MLYCD: variants seen among roughly 807,000 people sequenced by gnomAD.
The protein encoded by MLYCD is malonyl-CoA decarboxylase.
A neutral mutation model predicts 35.8 loss-of-function variants in MLYCD; 27 were observed. The ratio of observed to expected loss-of-function variants is 0.75; its 90% CI spans 0.56 to 1.04. MLYCD has a LOEUF of 1.04. Ranked by LOEUF, MLYCD falls within the 50% of genes least tolerant of loss-of-function variation. The probability of loss-of-function intolerance (pLI) is 0.00; values close to 1 mark genes in which losing one functional copy is unlikely to be tolerated. For synonymous variants in MLYCD, 403 were observed against 302.4 expected (o/e 1.33, Z -3.45); for missense variants, 917 against 665.1 (o/e 1.38, Z -4.17).
chr16:83,917,077 CG>C lies in MLYCD; in HGVS notation c.*1589del. 8.1e-5 allele frequency: 1 copy of C among 12,346 alleles called. No individual in the cohort carries two copies. Among genetic ancestry groups the C allele is most frequent in the Admixed American group, 1.2e-3 (1 of 828 alleles). The allele number at this position is 12,346 out of a possible 1,614,324, so 0.8% of individuals were successfully genotyped here. A position where few individuals can be genotyped will look rare whatever the true frequency, so the allele number is the denominator to read the frequency against. On this transcript the variant is annotated 3_prime_UTR_variant, in exon 5 of 5. Coordinates refer to ENST00000262430, the MANE Select transcript of MLYCD (RefSeq NM_012213.3). ...GTGTGGATCAGTGCACGTCTGTGTG[CG>C]TGTGCACGAGCGTCTCTGTGGATCA...
intron 1 of MLYCD, among the ~76,000 whole-genome samples, chr16:83,905,778 A>C (rs2151056193): frequency 6.6e-6 from 1 of 152,352 alleles, no homozygotes; most frequent in South Asian, 2.1e-4. Flanking sequence ...TGTTCTGGAC[A>C]GCTGTGTCCC....
intron 1 of MLYCD, among the ~76,000 whole-genome samples, chr16:83,904,784 G>A (rs1394620913): frequency 6.6e-6 from 1 of 152,188 alleles, no homozygotes; most frequent in African/African-American, 2.4e-5. Flanking sequence ...GGCTTCCAGT[G>A]CTGAGGGTCA....
chr16:83,902,771 G>A (rs1906843821), intron 1 of MLYCD, among the ~76,000 whole-genome samples: 1 of 152,178 alleles, frequency 6.6e-6, no homozygotes, highest in East Asian at 1.9e-4. Context: ...CTTCCAAAGT[G>A]CTGGAATTAC....
chr16:83,899,532 C>A lies in MLYCD; in HGVS notation c.388C>A (p.Arg130Ser). Residue 130 changes from arginine (R) to serine (S), a missense_variant, in exon 1 of 5, where the codon CGC (arginine) becomes AGC (serine). By Grantham distance (110) the Arg-to-Ser change is moderately radical (BLOSUM62 -1). Transcript: ENST00000262430. ...AVLLQAEDRL[R>S]YALVPRYRGL... ...GCTGCTGCAGGCCGAGGACCGGCTG[C>A]GCTACGCGCTGGTGCCGCGCTATCG... 6.3e-7 allele frequency: 1 copy of A among 1,590,774 alleles called. No homozygotes were observed.
chr16:83,926,020 A>T lies in MLYCD; in HGVS notation c.*10531A>T, dbSNP rs1249666787. 6.6e-6 allele frequency: 1 copy of T among 152,318 alleles called. No individual in the cohort carries two copies. The highest frequency in any genetic ancestry group is 1.9e-4 in the East Asian group (1 of 5,194). 9.4% of individuals were successfully genotyped at this position (152,318 alleles called of 1,614,324 possible). A position where few individuals can be genotyped will look rare whatever the true frequency, so the allele number is the denominator to read the frequency against. ...AGGTGGCTGCAGGGTCTGCAAGATC[A>T]TCAGGGCCCCCTCCAATGTGACACT... On this transcript the variant is annotated 3_prime_UTR_variant, in exon 5 of 5. Transcript: ENST00000262430.
intron 1 of MLYCD, among the ~76,000 whole-genome samples, chr16:83,902,102 C>G (rs1906807980): frequency 6.9e-6 from 1 of 145,444 alleles, no homozygotes; most frequent in Non-Finnish European, 1.5e-5. Flanking sequence ...GTTGTTTTCT[C>G]ATATATACAC....
At position 83,906,212 on chromosome 16, in the gene MLYCD, C is replaced by A. The variant is rs1218349658; in HGVS notation, c.529-775C>A. 2.0e-5 allele frequency among the ~76,000 whole-genome samples: 3 copies of A among 151,844 alleles called. No individual in the cohort carries two copies. The East Asian group carries it at 5.8e-4, about 29-fold the overall frequency. On this transcript the variant is annotated intron_variant, in intron 1 of 4. Transcript: ENST00000262430. The stretch of plus-strand genomic sequence containing the variant: ...GACTAGCCTGGGCAACGTGGCAAAA[C>A]CCCATTTCTACAAAAAAGACAAAAA...
chr16:83,903,535 A>G (rs919248195), intron 1 of MLYCD, among the ~76,000 whole-genome samples: 2 of 152,188 alleles, frequency 1.3e-5, no homozygotes, highest in African/African-American at 4.8e-5. Flanking sequence ...TTTTCTTCAC[A>G]TACCAAAATA....
At chr16:83,914,844 C>G (rs926648685) in intron 4 of MLYCD, 112 bp from the exon 5 acceptor site, 22 of 1,446,984 alleles carry the variant, frequency 1.5e-5, no homozygotes, top group Non-Finnish European at 2.0e-5. Flanking sequence ...TCACTCTGAC[C>G]GCTACACAGC....
chr16:83,899,133 T>TTGTGGGGCACCATGCGAGGC lies in MLYCD; in HGVS notation c.-10_10dup. 8.9e-7 allele frequency: 1 copy of TTGTGGGGCACCATGCGAGGC among 1,121,204 alleles called. No individual in the cohort carries two copies. Among genetic ancestry groups the TTGTGGGGCACCATGCGAGGC allele is most frequent in the Non-Finnish European group, 1.1e-6 (1 of 920,164 alleles). The allele number at this position is 1,121,204 out of a possible 1,614,324, so 69.5% of individuals were successfully genotyped here. A position where few individuals can be genotyped will look rare whatever the true frequency, so the allele number is the denominator to read the frequency against. Reference sequence around the variant, plus strand: ...CGGCGGCGCTCCCCCTCGGCAGCTGTTGTGGGGCACCATGCGAGGCTTCGG... The same window carrying TTGTGGGGCACCATGCGAGGC: ...CGGCGGCGCTCCCCCTCGGCAGCTGTTGTGGGGCACCATGCGAGGCTGTGGGGCACCATGCGAGGCTTCGG... On this transcript the variant is annotated 5_prime_UTR_variant, in exon 1 of 5. In the 5' UTR this introduces an upstream ATG that the reference lacks. Transcript: ENST00000262430.
rs1250274060 is a variant in MLYCD at position 83,924,097 on chromosome 16, A to C, written c.*8608A>C. 6.6e-6 allele frequency: 1 copy of C among 152,380 alleles called. No homozygotes were observed. The highest frequency in any genetic ancestry group is 2.4e-5 in the African/African-American group (1 of 41,440). The allele number at this position is 152,380 out of a possible 1,614,324, so 9.4% of individuals were successfully genotyped here. On this transcript the variant is annotated 3_prime_UTR_variant, in exon 5 of 5. Coordinates refer to ENST00000262430, the MANE Select transcript of MLYCD (RefSeq NM_012213.3). Reference sequence around the variant, plus strand: ...CCCACCAAAGCATAAAATCCAGGCCAGCGAGGGGCAGCCAGACCACGGGAA... The same window carrying C: ...CCCACCAAAGCATAAAATCCAGGCCCGCGAGGGGCAGCCAGACCACGGGAA...
At position 83,925,011 on chromosome 16, in the gene MLYCD, C is replaced by A. The variant is rs945709780; in HGVS notation, c.*9522C>A. On this transcript the variant is annotated 3_prime_UTR_variant, in exon 5 of 5. Coordinates refer to ENST00000262430, the MANE Select transcript of MLYCD (RefSeq NM_012213.3). ...ACCCCCATCCGTGTCTCTGCTGTCTCCTAACTACCGATAGCAAGGGCACTA... is the reference window on the plus strand; with the variant it reads ...ACCCCCATCCGTGTCTCTGCTGTCTACTAACTACCGATAGCAAGGGCACTA... 8 of 152,328 alleles carry A rather than the reference C, an allele frequency of 5.3e-5. No individual in the cohort carries two copies. Among genetic ancestry groups the A allele is most frequent in the Non-Finnish European group, 1.2e-4 (8 of 68,102 alleles). 9.4% of individuals were successfully genotyped at this position (152,328 alleles called of 1,614,324 possible).
intron 3 of MLYCD, 106 bp downstream of exon 3, chr16:83,908,388 T>A (rs1907057708): frequency 2.3e-6 from 3 of 1,326,976 alleles, no homozygotes; most frequent in Non-Finnish European, 3.0e-6. Flanking sequence ...TTTTTTTTTT[T>A]TAAATAAATG....
chr16:83,904,821 C>T (rs532934603), intron 1 of MLYCD, among the ~76,000 whole-genome samples: 2 of 152,200 alleles, frequency 1.3e-5, no homozygotes, highest in African/African-American at 4.8e-5. Flanking sequence ...CCTCTGTGGA[C>T]AGCTCCAGCT....
chr16:83,901,253 A>C (rs898647166), intron 1 of MLYCD, among the ~76,000 whole-genome samples: 3 of 152,146 alleles, frequency 2.0e-5, no homozygotes, highest in Non-Finnish European at 4.4e-5. Context: ...TGAATAGCTG[A>C]GTTTTTCTGA....
chr16:83,902,764 C>T (rs1410482561), intron 1 of MLYCD, among the ~76,000 whole-genome samples: 4 of 152,164 alleles, frequency 2.6e-5, no homozygotes, highest in Non-Finnish European at 5.9e-5. Context: ...CCTTGGCCTT[C>T]CAAAGTGCTG....
In MLYCD at chr16:83,918,183, A is replaced by T. The variant is rs993384680; in HGVS notation, c.*2694A>T. 2 of 152,394 alleles carry T rather than the reference A, an allele frequency of 1.3e-5. No individual in the cohort carries two copies. The highest frequency in any genetic ancestry group is 3.9e-4 in the East Asian group (2 of 5,192). The allele number at this position is 152,394 out of a possible 1,614,324, so 9.4% of individuals were successfully genotyped here. A position where few individuals can be genotyped will look rare whatever the true frequency, so the allele number is the denominator to read the frequency against. On this transcript the variant is annotated 3_prime_UTR_variant, in exon 5 of 5. Transcript: ENST00000262430. The stretch of plus-strand genomic sequence containing the variant: ...ACCCTCCCGGTTTTATTTATCACTC[A>T]GGCAGAGTTTCTTAACCTTTTGTGA...
In MLYCD at chr16:83,922,365, C is replaced by T. The variant is rs1400094094; in HGVS notation, c.*6876C>T. The T allele has an allele frequency of 1.3e-5, 2 of 152,302 alleles. No individual in the cohort carries two copies. Among genetic ancestry groups the T allele is most frequent in the African/African-American group, 4.8e-5 (2 of 41,462 alleles). 9.4% of individuals were successfully genotyped at this position (152,302 alleles called of 1,614,324 possible). A position where few individuals can be genotyped will look rare whatever the true frequency, so the allele number is the denominator to read the frequency against. On this transcript the variant is annotated 3_prime_UTR_variant, in exon 5 of 5. Transcript: ENST00000262430. Reference sequence around the variant, plus strand: ...CCTCCATCCCACCCACAGGGTTTCACAAGAGGCCCAGCCATGCACCCTGCT... The same window carrying T: ...CCTCCATCCCACCCACAGGGTTTCATAAGAGGCCCAGCCATGCACCCTGCT...
In MLYCD at chr16:83,915,344, G is replaced by T; in HGVS notation, c.1337G>T (p.Gly446Val). Residue 446 changes from glycine (G) to valine (V), a missense_variant, in exon 5 of 5, where the codon GGC becomes GTC. Gly to Val is a moderately radical substitution (Grantham distance 109, BLOSUM62 -3). Transcript: ENST00000262430. ...GATGTGAGCCTCAGAGGCATCACCG[G>T]CTCCTGCGGCCTGATGGCCAACTAC... ...MADVSLRGITGSCGLMANYRY... is the reference protein window; with the variant it reads ...MADVSLRGITVSCGLMANYRY... 1.2e-6 allele frequency: 2 copies of T among 1,613,802 alleles called. No homozygotes were observed. Among genetic ancestry groups the T allele is most frequent in the Non-Finnish European group, 1.7e-6 (2 of 1,180,032 alleles).
Sources: allele counts gnomAD v4.1 joint callset (sites outside exome capture counted in the v4.1 genomes callset), GRCh38; gene constraint gnomAD v4.1.1; transcripts MANE v1.5; gene names NCBI Gene and HGNC (gene_info 2026-07-23, HGNC 2026-07-21).